GRM5: variants seen among roughly 807,000 people sequenced by gnomAD.
GRM5 encodes glutamate metabotropic receptor 5, also known as metabotropic glutamate receptor 5.
GRM5 carries 19 observed loss-of-function variants against 83.1 expected under a neutral mutation model. The ratio of observed to expected loss-of-function variants is 0.23; its 90% CI spans 0.16 to 0.34. The LOEUF is 0.34. GRM5 is among the 10% of genes least tolerant of loss of function. GRM5 has a pLI of 1.00. For synonymous variants in GRM5, 675 were observed against 633.6 expected (o/e 1.07, Z -0.98); for missense variants, 1,160 against 1,588.3 (o/e 0.73, Z 4.58).
chr11:88,524,155 CT>C (rs1250994505), intron 9 of GRM5: 1 of 148,076 alleles, frequency 6.8e-6, no homozygotes, highest in Non-Finnish European at 1.5e-5. Context: ...TCAATCTTGA[CT>C]TTGTCTCCAG....
chr11:89,009,761 C>T (rs1313549322), intron 2 of GRM5, among the ~76,000 whole-genome samples: 3 of 150,744 alleles, frequency 2.0e-5, no homozygotes, highest in Non-Finnish European at 4.4e-5. Flanking sequence ...ATTAGCCGGG[C>T]GTGGTAGCGG....
chr11:88,976,172 T>C (rs1939328844), intron 2 of GRM5, among the ~76,000 whole-genome samples: 1 of 152,210 alleles, frequency 6.6e-6, no homozygotes, highest in African/African-American at 2.4e-5. Flanking sequence ...GAAAATAAAA[T>C]TGATTCCTAG....
At chr11:89,002,798 A>G (rs1304755877) in intron 2 of GRM5, among the ~76,000 whole-genome samples, 1 of 151,920 alleles carries the variant, frequency 6.6e-6, no homozygotes. Context: ...CACTATTCCC[A>G]CTGCTCAGAA....
intron 2 of GRM5, among the ~76,000 whole-genome samples, chr11:88,859,324 G>A (rs1188253705): frequency 6.6e-6 from 1 of 152,012 alleles, no homozygotes; most frequent in Admixed American, 6.6e-5. Flanking sequence ...TTAAGAAGGG[G>A]TTATTTTAGG....
chr11:88,925,276 C>G (rs1945767613), intron 2 of GRM5, among the ~76,000 whole-genome samples: 1 of 152,058 alleles, frequency 6.6e-6, no homozygotes, highest in African/African-American at 2.4e-5. Context: ...AGCTATTACT[C>G]TTTCAGAGTT....
chr11:88,791,287 A>G (rs1943167801), intron 3 of GRM5, among the ~76,000 whole-genome samples: 1 of 152,204 alleles, frequency 6.6e-6, no homozygotes, highest in South Asian at 2.1e-4. Context: ...GAAATGTCAT[A>G]TAAGCAGCTG....
chr11:88,744,573 C>T (rs1326802703), intron 3 of GRM5, among the ~76,000 whole-genome samples: 4 of 152,216 alleles, frequency 2.6e-5, no homozygotes, highest in Admixed American at 1.3e-4. Flanking sequence ...CTTTCAATCC[C>T]TACATGAACC....
chr11:88,673,399 C>T (rs530016265), intron 3 of GRM5, among the ~76,000 whole-genome samples: 6 of 151,840 alleles, frequency 4.0e-5, no homozygotes, highest in African/African-American at 7.3e-5. Flanking sequence ...AAGAGAAATA[C>T]GTTTCTTGGG....
chr11:88,937,689 G>A (rs1281134342), intron 2 of GRM5, among the ~76,000 whole-genome samples: 6 of 151,526 alleles, frequency 4.0e-5, no homozygotes, highest in Non-Finnish European at 3.0e-5. Context: ...CTCAAATACA[G>A]TAGAGGATCT....
At chr11:88,565,799 A>T (rs1019115941) in intron 8 of GRM5, among the ~76,000 whole-genome samples, 8 of 152,212 alleles carry the variant, frequency 5.3e-5, no homozygotes, top group Non-Finnish European at 1.2e-4. Flanking sequence ...GTAGAAAGAG[A>T]TGAGAAGTGT....
chr11:88,912,968 G>C (rs536369105), intron 2 of GRM5, among the ~76,000 whole-genome samples: 13 of 152,294 alleles, frequency 8.5e-5, no homozygotes, highest in African/African-American at 2.9e-4. Flanking sequence ...CAATATGCTT[G>C]ATTCAATCCT....
chr11:88,901,698 T>C (rs1162500764), intron 2 of GRM5, among the ~76,000 whole-genome samples: 8 of 152,220 alleles, frequency 5.3e-5, no homozygotes, highest in Non-Finnish European at 1.2e-4. Context: ...GAGGGAGGCC[T>C]ATCCACTCCT....
intron 3 of GRM5, among the ~76,000 whole-genome samples, chr11:88,660,919 C>T (rs1333975954): frequency 1.3e-5 from 2 of 152,180 alleles, no homozygotes; most frequent in African/African-American, 4.8e-5. Context: ...TATCAAAAAG[C>T]TCCTCTGGGC....
intron 8 of GRM5, among the ~76,000 whole-genome samples, chr11:88,555,447 G>T (rs569853544): frequency 6.6e-6 from 1 of 152,114 alleles, no homozygotes; most frequent in Non-Finnish European, 1.5e-5. Context: ...TTCACTGGGA[G>T]CCTCATTATA....
At chr11:88,565,382 G>T (rs937824732) in intron 8 of GRM5, among the ~76,000 whole-genome samples, 2 of 152,158 alleles carry the variant, frequency 1.3e-5, no homozygotes, top group Non-Finnish European at 2.9e-5. Context: ...AAACAATCTG[G>T]CTAGGCAGCC....
At chr11:88,913,255 C>T (rs191350492) in intron 2 of GRM5, among the ~76,000 whole-genome samples, 65 of 152,206 alleles carry the variant, frequency 4.3e-4, no homozygotes, top group African/African-American at 1.3e-3. Context: ...ATGATTATAT[C>T]CCATGGTGAT....
At chr11:88,542,532 A>G (rs996248839) in intron 8 of GRM5, among the ~76,000 whole-genome samples, 4 of 152,182 alleles carry the variant, frequency 2.6e-5, no homozygotes, top group African/African-American at 4.8e-5. Flanking sequence ...AAAGAGATCT[A>G]TTGGTCACAA....
intron 2 of GRM5, among the ~76,000 whole-genome samples, chr11:88,933,001 A>G (rs1448555069): frequency 1.3e-5 from 2 of 151,916 alleles, no homozygotes; most frequent in Admixed American, 6.6e-5. Flanking sequence ...TTTTATTTGG[A>G]AAACACACTA....
intron 3 of GRM5, among the ~76,000 whole-genome samples, chr11:88,676,351 A>G (rs953124157): frequency 5.3e-5 from 8 of 152,026 alleles, no homozygotes; most frequent in Non-Finnish European, 8.8e-5. Flanking sequence ...CACCTATTAT[A>G]TGCCTATGCT....
Sources: allele counts gnomAD v4.1 joint callset (sites outside exome capture counted in the v4.1 genomes callset), GRCh38; gene constraint gnomAD v4.1.1; transcripts MANE v1.5; gene names NCBI Gene and HGNC (gene_info 2026-07-23, HGNC 2026-07-21).